FOXP1: variants seen among roughly 807,000 people sequenced by gnomAD.
The protein encoded by FOXP1 is forkhead box protein P1.
In FOXP1, 15 loss-of-function variants were observed where a neutral mutation model predicts 98.2. That is an observed-to-expected ratio of 0.15 (90% CI 0.10 to 0.24). The LOEUF (loss-of-function observed/expected upper bound fraction) is 0.24. FOXP1 is among the 10% of genes least tolerant of loss of function. The pLI is 1.00. For missense variants in FOXP1, 633 were observed against 848.5 expected (o/e 0.75, Z 3.15); for synonymous variants, 371 against 314.5 (o/e 1.18, Z -1.90).
At chr3:71,385,165 A>G (rs904554553) in intron 3 of FOXP1, among the ~76,000 whole-genome samples, 4 of 152,120 alleles carry the variant, frequency 2.6e-5, no homozygotes, top group Admixed American at 2.0e-4. Context: ...TGCTTCTCAT[A>G]TGCATTTCGG....
chr3:71,554,558 T>C (rs575529067), intron 2 of FOXP1, among the ~76,000 whole-genome samples: 1 of 152,316 alleles, frequency 6.6e-6, no homozygotes, highest in African/African-American at 2.4e-5. Context: ...CAAACTATTA[T>C]TGGTATTACC....
At chr3:71,081,434 G>A (rs1576635947) in intron 7 of FOXP1, among the ~76,000 whole-genome samples, 2 of 152,198 alleles carry the variant, frequency 1.3e-5, no homozygotes, top group Admixed American at 6.5e-5. Context: ...CTGATGCCAC[G>A]GAGGGAAACA....
In FOXP1 at chr3:71,041,391, A is replaced by G. The variant is rs746854382; in HGVS notation, c.806T>C (p.Leu269Ser). ...GGTAGAGGCATGTGGGTTCATTATT[A>G]AGGAGGTCTTGGAAGGTGCAGAGGA... Reference protein sequence around the residue: ...VSSSAPSKTSLIMNPHASTNG... With the variant: ...VSSSAPSKTSSIMNPHASTNG... The change falls in exon 11 of 21, where the codon TTA becomes TCA. Residue 269 changes from leucine to serine, a missense_variant. By Grantham distance (145) the Leu-to-Ser change is moderately radical. Transcript: ENST00000649528. 4 of 1,613,736 alleles carry G rather than the reference A, an allele frequency of 2.5e-6. No homozygotes were observed. Among genetic ancestry groups the G allele is most frequent in the Non-Finnish European group, 3.4e-6 (4 of 1,179,794 alleles).
At position 71,348,992 on chromosome 3, in the gene FOXP1, T is replaced by C. The variant is rs2077590071; in HGVS notation, c.-73+10158A>G. ...CTTCAGCTATAAAACAAAGCCAGCCTAATGTAGCCCACTAATTCTGCCCCA... is the reference window on the plus strand; with the variant it reads ...CTTCAGCTATAAAACAAAGCCAGCCCAATGTAGCCCACTAATTCTGCCCCA... On this transcript the variant is annotated intron_variant, in intron 4 of 20. Coordinates refer to ENST00000649528, the MANE Select transcript of FOXP1 (RefSeq NM_001349338.3). Among the ~76,000 whole-genome samples the C allele has an allele frequency of 2.0e-5, 3 of 152,310 alleles. No individual in the cohort carries two copies. The East Asian group carries it at 5.8e-4, about 29-fold the overall frequency.
chr3:71,394,890 C>G (rs550938561), intron 3 of FOXP1, among the ~76,000 whole-genome samples: 1 of 151,940 alleles, frequency 6.6e-6, no homozygotes, highest in African/African-American at 2.4e-5. Context: ...CACCTGAGGT[C>G]GGGAGTTCGA....
intron 6 of FOXP1, among the ~76,000 whole-genome samples, chr3:71,150,404 A>G (rs982604326): frequency 6.6e-6 from 1 of 152,188 alleles, no homozygotes; most frequent in African/African-American, 2.4e-5. Flanking sequence ...GAATATATCT[A>G]TTACATTTTT....
At chr3:71,266,237 A>T (rs1209158556) in intron 5 of FOXP1, among the ~76,000 whole-genome samples, 6 of 150,730 alleles carry the variant, frequency 4.0e-5, no homozygotes, top group Non-Finnish European at 8.9e-5. Flanking sequence ...ACTTTTGTTT[A>T]TTTTTTTAAA....
intron 7 of FOXP1, among the ~76,000 whole-genome samples, chr3:71,063,835 C>A (rs1350509221): frequency 6.6e-6 from 1 of 152,156 alleles, no homozygotes; most frequent in Non-Finnish European, 1.5e-5. Context: ...ACTGCCAGGA[C>A]TTGAAGGAGT....
intron 3 of FOXP1, among the ~76,000 whole-genome samples, chr3:71,489,970 T>C (rs1039960722): frequency 2.1e-4 from 32 of 152,116 alleles, no homozygotes; most frequent in Non-Finnish European, 1.6e-4. Context: ...AACACTTCAC[T>C]CAGAATTAGA....
At chr3:71,047,246 A>G in intron 9 of FOXP1, 151 bp from the exon 10 acceptor site, 3 of 868,690 alleles carry the variant, frequency 3.5e-6, no homozygotes, top group Non-Finnish European at 5.7e-6. Flanking sequence ...AAAGGGACAA[A>G]GCATACCTCC....
At chr3:71,079,132 C>T (rs768631953) in intron 7 of FOXP1, among the ~76,000 whole-genome samples, 6 of 152,180 alleles carry the variant, frequency 3.9e-5, no homozygotes, top group Non-Finnish European at 8.8e-5. Context: ...GCCCCTGCGC[C>T]CCTCCAAATA....
intron 6 of FOXP1, among the ~76,000 whole-genome samples, chr3:71,189,433 T>C (rs940538039): frequency 1.4e-4 from 22 of 152,200 alleles, no homozygotes; most frequent in African/African-American, 4.8e-4. Flanking sequence ...CAAATAAACA[T>C]ATGCAATCAA....
intron 5 of FOXP1, 23 bp from the exon 6 acceptor site, chr3:71,198,415 G>T (rs756466238): frequency 2.5e-5 from 24 of 945,564 alleles, no homozygotes; most frequent in Non-Finnish European, 3.2e-5. Context: ...TTTCCAAGAT[G>T]GGGGGAGGGA....
At chr3:71,192,029 G>A (rs1301046648) in intron 6 of FOXP1, among the ~76,000 whole-genome samples, 1 of 152,070 alleles carries the variant, frequency 6.6e-6, no homozygotes, top group Non-Finnish European at 1.5e-5. Context: ...ACAGTACCTG[G>A]CCCCATGAAA....
intron 4 of FOXP1, among the ~76,000 whole-genome samples, chr3:71,337,640 T>A (rs1650190814): frequency 6.6e-6 from 1 of 152,214 alleles, no homozygotes; most frequent in Admixed American, 6.5e-5. Context: ...TGATCAATGA[T>A]ATGAAACCAT....
intron 4 of FOXP1, among the ~76,000 whole-genome samples, chr3:71,344,224 G>T (rs1363367078): frequency 6.6e-6 from 1 of 152,142 alleles, no homozygotes; most frequent in African/African-American, 2.4e-5. Context: ...TTATAATGAG[G>T]AAAGAAGAAC....
intron 7 of FOXP1, among the ~76,000 whole-genome samples, chr3:71,073,942 C>G (rs746011395): frequency 4.6e-5 from 7 of 152,108 alleles, no homozygotes; most frequent in Non-Finnish European, 1.0e-4. Flanking sequence ...AGGACCAGAG[C>G]CACTCATGAA....
chr3:71,161,621 G>A lies in FOXP1; in HGVS notation c.180+36581C>T, dbSNP rs1031668192. On this transcript the variant is annotated intron_variant, in intron 6 of 20. Coordinates refer to ENST00000649528, the MANE Select transcript of FOXP1 (RefSeq NM_001349338.3). ...TGAAGAAAGGAATGGAAAAGAATGTGTGGCCACTTTTAATCCACCTGATTC... is the reference window on the plus strand; with the variant it reads ...TGAAGAAAGGAATGGAAAAGAATGTATGGCCACTTTTAATCCACCTGATTC... 2.6e-5 allele frequency among the ~76,000 whole-genome samples: 4 copies of A among 152,342 alleles called. No homozygotes were observed. The East Asian group carries it at 5.8e-4, about 22-fold the overall frequency.
At position 71,250,665 on chromosome 3, in the gene FOXP1, C is replaced by T. The variant is rs1046898674; in HGVS notation, c.-12+49155G>A. Among the ~76,000 whole-genome samples, 3 of 152,232 alleles carry T rather than the reference C, an allele frequency of 2.0e-5. No individual in the cohort carries two copies. In the South Asian group the frequency reaches 6.2e-4, roughly 31 times the overall value. Reference sequence around the variant, plus strand: ...GTTTTTTGCGTTGGGCGCAGTGGCTCACGCCTGTAATCCTAGCACTTTTGG... The same window carrying T: ...GTTTTTTGCGTTGGGCGCAGTGGCTTACGCCTGTAATCCTAGCACTTTTGG... On this transcript the variant is annotated intron_variant, in intron 5 of 20. Coordinates refer to ENST00000649528, the MANE Select transcript of FOXP1 (RefSeq NM_001349338.3).
Sources: gnomAD v4.1 joint callset for allele counts (sites outside exome capture counted in the v4.1 genomes callset) on GRCh38, gnomAD v4.1.1 for gene constraint, MANE v1.5 for transcripts, NCBI Gene and HGNC (gene_info 2026-07-23, HGNC 2026-07-21) for gene names.